The following SERGEF variants were observed in gnomAD, a reference collection of about 807,000 sequenced individuals.
SERGEF encodes the protein secretion regulating guanine nucleotide exchange factor.
A neutral mutation model predicts 50.0 loss-of-function variants in SERGEF; 51 were observed. The ratio of observed to expected loss-of-function variants is 1.02; its 90% CI spans 0.81 to 1.29. The LOEUF (loss-of-function observed/expected upper bound fraction) is 1.29. Ranked by LOEUF, SERGEF falls within the 50% of genes most tolerant of loss-of-function variation. The pLI, the probability that SERGEF is intolerant of heterozygous loss-of-function variation, is 0.00. For missense variants in SERGEF, 521 were observed against 557.0 expected, an observed-to-expected ratio of 0.94 and a Z score of 0.65; for synonymous variants, 205 against 212.4, an observed-to-expected ratio of 0.97 and a Z score of 0.30.
At chr11:17,992,566 G>A (rs1461382237) in intron 7 of SERGEF, among the ~76,000 whole-genome samples, 1 of 152,120 alleles carries the variant, frequency 6.6e-6, no homozygotes, top group Non-Finnish European at 1.5e-5. Context: ...ATCCATATAT[G>A]TTATATATAA....
intron 10 of SERGEF, among the ~76,000 whole-genome samples, chr11:17,803,326 G>C (rs1045426440): frequency 6.6e-6 from 1 of 152,206 alleles, no homozygotes; most frequent in African/African-American, 2.4e-5. Context: ...CCCTTCAAAT[G>C]AGCACCCATC....
At chr11:17,794,770 C>T (rs1849546250) in intron 10 of SERGEF, among the ~76,000 whole-genome samples, 1 of 152,232 alleles carries the variant, frequency 6.6e-6, no homozygotes, top group South Asian at 2.1e-4. Context: ...GCTCCAGGCC[C>T]TCTTCTATTT....
chr11:17,846,735 G>GA, intron 10 of SERGEF: 1 of 456,226 alleles, frequency 2.2e-6, no homozygotes. Flanking sequence ...GCAAAACTGG[G>GA]ATAATAATAC....
At chr11:17,850,071 T>C (rs1850684931) in intron 10 of SERGEF, among the ~76,000 whole-genome samples, 1 of 152,152 alleles carries the variant, frequency 6.6e-6, no homozygotes, top group South Asian at 2.1e-4. Context: ...AGGGTCATGC[T>C]AGGGTGGACA....
At chr11:17,981,134 TC>T (rs1395761305) in intron 8 of SERGEF, among the ~76,000 whole-genome samples, 2 of 152,232 alleles carry the variant, frequency 1.3e-5, no homozygotes, top group African/African-American at 4.8e-5. Context: ...TCTGGGTCAC[TC>T]CTTCGGCCCT....
chr11:17,903,818 C>T (rs1851790497), intron 9 of SERGEF, among the ~76,000 whole-genome samples: 1 of 152,210 alleles, frequency 6.6e-6, no homozygotes, highest in African/African-American at 2.4e-5. Flanking sequence ...TAACCATGAT[C>T]AGAACTGAGG....
intron 10 of SERGEF, among the ~76,000 whole-genome samples, chr11:17,800,357 G>A (rs530386709): frequency 3.3e-5 from 5 of 152,208 alleles, no homozygotes; most frequent in African/African-American, 4.8e-5. Flanking sequence ...TACATTATAC[G>A]GGTTTGACAA....
intron 10 of SERGEF, among the ~76,000 whole-genome samples, chr11:17,818,375 G>A (rs79211770): frequency 6.6e-6 from 1 of 152,088 alleles, no homozygotes; most frequent in East Asian, 1.9e-4. Flanking sequence ...AAATGAAGTA[G>A]GAAATTTTAC....
intron 9 of SERGEF, among the ~76,000 whole-genome samples, chr11:17,911,188 A>C (rs1273132292): frequency 6.6e-6 from 1 of 151,852 alleles, no homozygotes; most frequent in Non-Finnish European, 1.5e-5. Context: ...ATGGTAAATT[A>C]CTGTTATAAC....
intron 10 of SERGEF, among the ~76,000 whole-genome samples, chr11:17,841,361 A>G (rs1329274794): frequency 6.6e-6 from 1 of 152,222 alleles, no homozygotes; most frequent in Non-Finnish European, 1.5e-5. Flanking sequence ...GGCCATTCCC[A>G]CTTATGCACC....
chr11:17,871,238 C>T (rs552088588), intron 10 of SERGEF, among the ~76,000 whole-genome samples: 1 of 152,084 alleles, frequency 6.6e-6, no homozygotes, highest in South Asian at 2.1e-4. Context: ...AAGAGTAAGC[C>T]ACACGAGGTC....
At chr11:17,987,373 T>C (rs1853623256) in intron 8 of SERGEF, among the ~76,000 whole-genome samples, 1 of 152,216 alleles carries the variant, frequency 6.6e-6, no homozygotes, top group Non-Finnish European at 1.5e-5. Flanking sequence ...GCTCATTATC[T>C]GAAACAAAAG....
At chr11:17,988,808 GATGGAAAATAACAGAAGTCTAA>G in intron 7 of SERGEF, 53 bp from the exon 8 acceptor site, 1 of 1,541,556 alleles carries the variant, frequency 6.5e-7, no homozygotes, top group South Asian at 1.2e-5. Flanking sequence ...AGTCCAAAAT[GATGGAAAATAACAGAAGTCTAA>G]AAAATAAGTG....
intron 10 of SERGEF, among the ~76,000 whole-genome samples, chr11:17,830,600 T>TGG (rs1199204793): frequency 1.5e-4 from 4 of 27,202 alleles, no homozygotes; most frequent in Non-Finnish European, 1.4e-4. Context: ...GGGAGAGAGG[T>TGG]GGAGAGAGAG....
At chr11:17,954,307 T>C (rs968515497) in intron 9 of SERGEF, among the ~76,000 whole-genome samples, 6 of 152,040 alleles carry the variant, frequency 3.9e-5, no homozygotes, top group African/African-American at 1.5e-4. Flanking sequence ...GTATTAAATA[T>C]AGGAAAGGAG....
chr11:17,809,223 G>A (rs1174970234), intron 10 of SERGEF, among the ~76,000 whole-genome samples: 1 of 152,146 alleles, frequency 6.6e-6, no homozygotes, highest in African/African-American at 2.4e-5. Context: ...GGGGGAAGGA[G>A]GGGATTGCAA....
chr11:17,989,384 A>T (rs1853664375), intron 7 of SERGEF, among the ~76,000 whole-genome samples: 1 of 152,198 alleles, frequency 6.6e-6, no homozygotes, highest in Non-Finnish European at 1.5e-5. Context: ...GGATCTGCTA[A>T]CTAGCTATTG....
intron 9 of SERGEF, among the ~76,000 whole-genome samples, chr11:17,948,721 C>T (rs1164167052): frequency 6.6e-6 from 1 of 152,184 alleles, no homozygotes; most frequent in Non-Finnish European, 1.5e-5. Context: ...CAGTAGCCTC[C>T]CAGCACCTGT....
At chr11:17,871,431 G>A (rs557768694) in intron 10 of SERGEF, among the ~76,000 whole-genome samples, 427 of 143,808 alleles carry the variant, frequency 3.0e-3, no homozygotes, top group Middle Eastern at 3.9e-3. Flanking sequence ...ACTGCACTCC[G>A]GCCTGGGTGA....
Sources: allele counts gnomAD v4.1 joint callset (sites outside exome capture counted in the v4.1 genomes callset), GRCh38; gene constraint gnomAD v4.1.1; transcripts MANE v1.5; gene names NCBI Gene and HGNC (gene_info 2026-07-23, HGNC 2026-07-21).